Variants in NLGN1 observed in about 807,000 individuals in gnomAD.
NLGN1 encodes neuroligin-1.
NLGN1 carries 12 observed loss-of-function variants against 65.5 expected under a neutral mutation model. That is an observed-to-expected ratio of 0.18 (90% CI 0.12 to 0.30). The LOEUF is 0.30. NLGN1 is among the 10% of genes least tolerant of loss of function. NLGN1 has a pLI of 1.00. For synonymous variants in NLGN1, 350 were observed against 359.5 expected (o/e 0.97, Z 0.30); for missense variants, 750 against 1,007.1 (o/e 0.74, Z 3.46).
At chr3:173,923,268 C>G (rs1268361488) in intron 4 of NLGN1, among the ~76,000 whole-genome samples, 1 of 152,022 alleles carries the variant, frequency 6.6e-6, no homozygotes, top group Non-Finnish European at 1.5e-5. Flanking sequence ...AGTAGAGGGT[C>G]TGTTTTGTGG....
chr3:173,749,298 A>G (rs1433466304), intron 3 of NLGN1, among the ~76,000 whole-genome samples: 1 of 152,036 alleles, frequency 6.6e-6, no homozygotes, highest in Non-Finnish European at 1.5e-5. Context: ...ATGATCAAAT[A>G]GTTCAGTCAA....
At chr3:173,563,506 A>G (rs1743124235) in intron 2 of NLGN1, among the ~76,000 whole-genome samples, 1 of 152,248 alleles carries the variant, frequency 6.6e-6, no homozygotes. Flanking sequence ...TGAAAATGTA[A>G]GAAAGCAACA....
intron 4 of NLGN1, among the ~76,000 whole-genome samples, chr3:173,863,051 T>G (rs572530244): frequency 6.6e-6 from 1 of 152,182 alleles, no homozygotes; most frequent in Non-Finnish European, 1.5e-5. Flanking sequence ...TGTTAAATAG[T>G]CTATGTGAAC....
intron 4 of NLGN1, among the ~76,000 whole-genome samples, chr3:173,906,878 CAAAAAAAA>C (rs1224471514): frequency 3.4e-5 from 3 of 88,270 alleles, no homozygotes; most frequent in Non-Finnish European, 4.8e-5. Context: ...CAAACAAAAA[CAAAAAAAA>C]AAAAAAAAAA....
intron 1 of NLGN1, among the ~76,000 whole-genome samples, chr3:173,406,585 T>TG (rs984316098): frequency 2.1e-4 from 31 of 148,370 alleles, no homozygotes; most frequent in Middle Eastern, 3.6e-3. Flanking sequence ...CATATATATG[T>TG]ATTCATATAT....
chr3:173,740,251 G>A (rs2031816299), intron 3 of NLGN1, among the ~76,000 whole-genome samples: 1 of 152,016 alleles, frequency 6.6e-6, no homozygotes, highest in Non-Finnish European at 1.5e-5. Context: ...GGTATATATG[G>A]AACGAGACAG....
intron 2 of NLGN1, among the ~76,000 whole-genome samples, chr3:173,521,373 C>T (rs1356439036): frequency 6.6e-6 from 1 of 152,032 alleles, no homozygotes; most frequent in Non-Finnish European, 1.5e-5. Context: ...TGTAAGATCT[C>T]CATAGAGGTG....
At position 173,613,509 on chromosome 3, in the gene NLGN1, G is replaced by T. The variant is rs1198066213; in HGVS notation, c.493+8418G>T. 6.6e-5 allele frequency among the ~76,000 whole-genome samples: 10 copies of T among 152,168 alleles called. No individual in the cohort carries two copies. In the South Asian group the frequency reaches 2.1e-3, roughly 32 times the overall value. On this transcript the variant is annotated intron_variant, in intron 3 of 6. Coordinates refer to ENST00000457714, the Ensembl canonical transcript of NLGN1. ...GTGTTTGACTTTGTGTCAACAAAAT[G>T]ATTCAGTTTTTTGATATATTTCTTG...
chr3:173,912,099 A>G (rs922255981), intron 4 of NLGN1, among the ~76,000 whole-genome samples: 10 of 152,218 alleles, frequency 6.6e-5, no homozygotes, highest in Admixed American at 4.6e-4. Flanking sequence ...AATTTTTTCA[A>G]ATGCAAAACA....
chr3:173,415,943 A>AGCGC (rs1553844364), intron 1 of NLGN1, among the ~76,000 whole-genome samples: 94 of 142,850 alleles, frequency 6.6e-4, no homozygotes, highest in African/African-American at 1.8e-3. Flanking sequence ...AGAGAGAGAG[A>AGCGC]GCTTGGTATA....
intron 4 of NLGN1, among the ~76,000 whole-genome samples, chr3:174,169,076 ATCTG>A (rs1417762718): frequency 6.6e-6 from 1 of 152,138 alleles, no homozygotes. Flanking sequence ...ATGGTTGGAG[ATCTG>A]CCTGGGCATG....
chr3:173,406,561 A>G (rs191619843), intron 1 of NLGN1, among the ~76,000 whole-genome samples: 3 of 148,624 alleles, frequency 2.0e-5, no homozygotes, highest in African/African-American at 4.9e-5. Flanking sequence ...ATATATATTC[A>G]TATATATTGA....
intron 3 of NLGN1, among the ~76,000 whole-genome samples, chr3:173,610,625 GAGAA>G (rs2149468514): frequency 6.6e-6 from 1 of 152,072 alleles, no homozygotes; most frequent in African/African-American, 2.4e-5. Context: ...AATGGAAACT[GAGAA>G]AGAATTATGT....
chr3:174,155,928 G>A (rs1725362868), intron 4 of NLGN1, among the ~76,000 whole-genome samples: 1 of 151,950 alleles, frequency 6.6e-6, no homozygotes, highest in African/African-American at 2.4e-5. Flanking sequence ...CCTTACAAGT[G>A]TTTCTGTCTT....
Position 174,124,792 on chromosome 3 carries a change from T to C in NLGN1, c.647-150523T>C, listed in dbSNP as rs577078080. 4.4e-4 allele frequency among the ~76,000 whole-genome samples: 67 copies of C among 151,766 alleles called. 2 individuals are homozygous for C. In the East Asian group the frequency reaches 0.013, roughly 29 times the overall value. On this transcript the variant is annotated intron_variant, in intron 4 of 6. Coordinates refer to ENST00000457714, the Ensembl canonical transcript of NLGN1. ...TGTATATTATGAATGAGCTAAATGC[T>C]GGGATGAAGAAACACAGAATTTTAT...
At position 173,467,044 on chromosome 3, in the gene NLGN1, A is replaced by G. The variant is rs867801256; in HGVS notation, c.-321+31966A>G. Among the ~76,000 whole-genome samples the G allele has an allele frequency of 2.0e-5, 3 of 152,282 alleles. No homozygotes were observed. The Middle Eastern group carries it at 0.01, about 518-fold the overall frequency. ...TTGAAAATAAACACATATAAAGGAG[A>G]AAATAAAAATATATTTCTAATCTCA... On this transcript the variant is annotated intron_variant, in intron 2 of 6. Coordinates refer to ENST00000457714, the Ensembl canonical transcript of NLGN1.
intron 3 of NLGN1, among the ~76,000 whole-genome samples, chr3:173,675,615 C>G (rs1388272908): frequency 2.6e-5 from 4 of 152,012 alleles, no homozygotes; most frequent in Non-Finnish European, 5.9e-5. Context: ...ATTATATTAA[C>G]TATCAGTTAT....
chr3:173,673,536 A>G (rs1226885706), intron 3 of NLGN1, among the ~76,000 whole-genome samples: 5 of 152,126 alleles, frequency 3.3e-5, no homozygotes, highest in Non-Finnish European at 7.4e-5. Context: ...AGAAAATGCA[A>G]TTTTTGCAGG....
intron 4 of NLGN1, among the ~76,000 whole-genome samples, chr3:174,082,604 T>C (rs926262601): frequency 1.3e-5 from 2 of 151,854 alleles, no homozygotes; most frequent in Admixed American, 1.3e-4. Context: ...TAAAAGAATA[T>C]ATACAATATC....
Sources: gnomAD v4.1 joint callset for allele counts (sites outside exome capture counted in the v4.1 genomes callset) on GRCh38, gnomAD v4.1.1 for gene constraint, MANE v1.5 for transcripts, NCBI Gene and HGNC (gene_info 2026-07-23, HGNC 2026-07-21) for gene names.